Variants in NTPCR observed in about 807,000 individuals in gnomAD.
NTPCR encodes cancer-related nucleoside-triphosphatase.
In NTPCR, 15 loss-of-function variants were observed where a neutral mutation model predicts 19.5. The observed-to-expected ratio is 0.77, with a 90% CI of 0.51 to 1.18. The LOEUF is 1.18. Ranked by LOEUF, NTPCR falls within the 50% of genes most tolerant of loss-of-function variation. NTPCR has a pLI of 0.00. For synonymous variants in NTPCR, 90 were observed against 95.8 expected, an observed-to-expected ratio of 0.94 and a Z score of 0.36; for missense variants, 206 against 240.4, an observed-to-expected ratio of 0.86 and a Z score of 0.95.
intron 3 of NTPCR, chr1:232,968,331 C>T (rs1214511071): frequency 1.3e-5 from 2 of 152,184 alleles, no homozygotes; most frequent in African/African-American, 2.4e-5. Context: ...CATAAGTGTA[C>T]AATATGCAGT....
At chr1:232,973,229 C>T (rs1349398812) in intron 4 of NTPCR, among the ~76,000 whole-genome samples, 6 of 152,042 alleles carry the variant, frequency 3.9e-5, no homozygotes, top group Non-Finnish European at 8.8e-5. Flanking sequence ...AATGAATATG[C>T]ATAGTGTGAA....
chr1:232,957,579 G>A (rs929570056), intron 3 of NTPCR, among the ~76,000 whole-genome samples: 3 of 151,572 alleles, frequency 2.0e-5, no homozygotes, highest in Admixed American at 2.0e-4. Context: ...TTTTTCCTTG[G>A]TCAGTCTAAA....
At position 232,969,933 on chromosome 1, in the gene NTPCR, C is replaced by G; in HGVS notation, c.319C>G (p.Gln107Glu). 1 of 1,614,108 alleles carries G rather than the reference C, an allele frequency of 6.2e-7. No individual in the cohort carries two copies. Among genetic ancestry groups the G allele is most frequent in the Non-Finnish European group, 8.5e-7 (1 of 1,179,994 alleles). Residue 107 changes from glutamine (Q) to glutamate (E), a missense_variant, in exon 4 of 5, where the codon CAA becomes GAA. Physicochemically the swap from Gln to Glu is conservative, Grantham distance 29. Transcript: ENST00000366628. ...RNADCSSGPG[Q>E]RVCVIDEIGK... The stretch of plus-strand genomic sequence containing the variant: ...GGCCGACTGCAGCAGTGGCCCAGGG[C>G]AAAGAGTGTGCGTCATCGATGAGAT...
At chr1:232,966,947 G>T (rs1482043707) in intron 3 of NTPCR, 1 of 152,232 alleles carries the variant, frequency 6.6e-6, no homozygotes, top group Non-Finnish European at 1.5e-5. Context: ...TCGTGATTCT[G>T]ACCACGTGGC....
At chr1:232,955,829 G>A in intron 2 of NTPCR, 110 bp downstream of exon 2, 1 of 1,079,640 alleles carries the variant, frequency 9.3e-7, no homozygotes, top group Non-Finnish European at 1.4e-6. Flanking sequence ...TACTCTGTTG[G>A]GTCCTTGGAT....
chr1:232,953,478 T>TAA (rs1447885332), intron 1 of NTPCR, among the ~76,000 whole-genome samples: 1 of 152,230 alleles, frequency 6.6e-6, no homozygotes, highest in African/African-American at 2.4e-5. Context: ...TACTATGTTC[T>TAA]ACACAACATA....
rs1480302881 is a variant in NTPCR at position 232,983,619 on chromosome 1, A to G, written c.*5388A>G. The G allele has an allele frequency of 6.6e-6, 1 of 152,204 alleles. No homozygotes were observed. The highest frequency in any genetic ancestry group is 1.5e-5 in the Non-Finnish European group (1 of 68,034). 9.4% of individuals were successfully genotyped at this position (152,204 alleles called of 1,614,324 possible). On this transcript the variant is annotated 3_prime_UTR_variant, in exon 5 of 5. Coordinates refer to ENST00000366628, the MANE Select transcript of NTPCR (RefSeq NM_032324.3). The stretch of plus-strand genomic sequence containing the variant: ...TCCGCGGTGGATTTCCATGCACCGA[A>G]TGGACTCAGTTTCTAAACTCACATC...
At chr1:232,977,466 T>C (rs1669155778) in intron 4 of NTPCR, 1 of 152,132 alleles carries the variant, frequency 6.6e-6, no homozygotes, top group Non-Finnish European at 1.5e-5. Flanking sequence ...TGGCCCTTCC[T>C]TTACCCTGGG....
chr1:232,955,822 TCTGTTGGGTCCTTGGATGCCCATCTG>T (rs1668498343), intron 2 of NTPCR, 103 bp downstream of exon 2: 13 of 1,146,674 alleles, frequency 1.1e-5, no homozygotes, highest in Non-Finnish European at 1.4e-5. Context: ...AAGCAGATAC[TCTGTTGGGTCCTTGGATGCCCATCTG>T]CTTTCCCTTT....
intron 1 of NTPCR, among the ~76,000 whole-genome samples, chr1:232,951,897 A>C (rs185968409): frequency 1.8e-4 from 28 of 152,298 alleles, no homozygotes; most frequent in Non-Finnish European, 2.9e-4. Context: ...CTTGGAATGC[A>C]GTTTGATACT....
chr1:232,967,173 C>T (rs2102750793), intron 3 of NTPCR: 1 of 152,258 alleles, frequency 6.6e-6, no homozygotes, highest in Non-Finnish European at 1.5e-5. Flanking sequence ...TTCTTTGTTT[C>T]CCTCTAAAGT....
At chr1:232,965,202 T>G (rs1668781861) in intron 3 of NTPCR, 1 of 152,236 alleles carries the variant, frequency 6.6e-6, no homozygotes, top group Admixed American at 6.5e-5. Context: ...CTATTCGTTC[T>G]TATTGGAGAG....
At chr1:232,976,608 A>G in intron 4 of NTPCR, 11 of 1,429,656 alleles carry the variant, frequency 7.7e-6, no homozygotes, top group Non-Finnish European at 9.2e-6. Context: ...TGTCCCATGA[A>G]GCCAAAGGAA....
At chr1:232,955,285 C>T (rs913407128) in intron 1 of NTPCR, among the ~76,000 whole-genome samples, 5 of 152,116 alleles carry the variant, frequency 3.3e-5, no homozygotes, top group South Asian at 2.1e-4. Context: ...GGATTGTGTA[C>T]GTGACAAAAT....
rs568559127 is a variant in NTPCR, at chr1:232,974,181, A to C, written c.505-3982A>C. 1.4e-4 allele frequency among the ~76,000 whole-genome samples: 22 copies of C among 152,368 alleles called. No homozygotes were observed. In the Middle Eastern group the frequency reaches 0.01, roughly 71 times the overall value. The stretch of plus-strand genomic sequence containing the variant: ...GCACCTTACCTATAGGGTAAAAACA[A>C]TATGAGTGACAGCAGATTTCTCAGG... On this transcript the variant is annotated intron_variant, in intron 4 of 4. Transcript: ENST00000366628.
Position 232,978,199 on chromosome 1 carries a change from A to G in NTPCR, c.541A>G (p.Ile181Val), listed in dbSNP as rs1425946190. 6.2e-7 allele frequency: 1 copy of G among 1,614,222 alleles called. No homozygotes were observed. The highest frequency in any genetic ancestry group is 1.7e-5 in the Admixed American group (1 of 60,028). ...AAACAGAAACCACCTTCTGCCAGAT[A>G]TCGTGACGTGCGTGCAGAGCAGCAG... is the stretch of plus-strand genomic sequence containing the variant. ...KENRNHLLPD[I>V]VTCVQSSRK The change falls in exon 5 of 5, where the codon ATC (isoleucine) becomes GTC (valine). Residue 181 changes from isoleucine (I) to valine (V), a missense_variant. Ile to Val is a conservative substitution (Grantham distance 29). Transcript: ENST00000366628.
chr1:232,954,752 T>A (rs1668467277), intron 1 of NTPCR, among the ~76,000 whole-genome samples: 1 of 152,152 alleles, frequency 6.6e-6, no homozygotes, highest in African/African-American at 2.4e-5. Flanking sequence ...CTCCATGACG[T>A]CAGTGATGAG....
rs939795983 is a variant in NTPCR, at chr1:232,980,666, C to G, written c.*2435C>G. ...AAGGATAAGATGAATTCACAGATAA[C>G]TAGAACTCAGGGCCAAACGCACACA... On this transcript the variant is annotated 3_prime_UTR_variant, in exon 5 of 5. Transcript: ENST00000366628. The G allele has an allele frequency of 6.6e-5, 10 of 152,226 alleles. No individual in the cohort carries two copies. The highest frequency in any genetic ancestry group is 1.7e-4 in the African/African-American group (7 of 41,450). 9.4% of individuals were successfully genotyped at this position (152,226 alleles called of 1,614,324 possible).
chr1:232,967,143 A>G (rs2102750763), intron 3 of NTPCR: 1 of 152,284 alleles, frequency 6.6e-6, no homozygotes, highest in East Asian at 1.9e-4. Flanking sequence ...AAGGGGGTGA[A>G]TGTTTGTTTA....
Sources: gnomAD v4.1 joint callset for allele counts (sites outside exome capture counted in the v4.1 genomes callset) on GRCh38, gnomAD v4.1.1 for gene constraint, MANE v1.5 for transcripts, NCBI Gene and HGNC (gene_info 2026-07-23, HGNC 2026-07-21) for gene names.